The following AUTS2 variants were observed in gnomAD, a reference collection of about 807,000 sequenced individuals.
AUTS2 encodes autism susceptibility gene 2 protein.
Under a neutral mutation model 112.4 loss-of-function variants are expected in AUTS2, and 17 were observed. The observed-to-expected ratio is 0.15, with a 90% confidence interval of 0.10 to 0.23. The LOEUF is 0.23. AUTS2 is among the 10% of genes least tolerant of loss of function. The pLI, the probability that AUTS2 is intolerant of heterozygous loss-of-function variation, is 1.00. For synonymous variants in AUTS2, 751 were observed against 702.7 expected (o/e 1.07, Z -1.09); for missense variants, 1,510 against 1,701.6 (o/e 0.89, Z 1.98).
At chr7:70,677,886 G>A (rs1020728690) in intron 5 of AUTS2, among the ~76,000 whole-genome samples, 7 of 152,098 alleles carry the variant, frequency 4.6e-5, no homozygotes, top group Non-Finnish European at 5.9e-5. Context: ...GATCGAGACC[G>A]TCCTGGCTAA....
intron 5 of AUTS2, among the ~76,000 whole-genome samples, chr7:70,496,633 A>ACG (rs1798531618): frequency 7.0e-6 from 1 of 143,044 alleles, no homozygotes; most frequent in Non-Finnish European, 1.5e-5. Context: ...ACAGGCACAC[A>ACG]CACACACCCC....
intron 5 of AUTS2, among the ~76,000 whole-genome samples, chr7:70,675,310 T>C (rs1465474012): frequency 6.6e-6 from 1 of 152,090 alleles, no homozygotes; most frequent in African/African-American, 2.4e-5. Context: ...CTGGCCAACA[T>C]GGTGAAACCC....
chr7:70,772,657 G>A (rs1382368406), intron 11 of AUTS2, among the ~76,000 whole-genome samples: 5 of 152,188 alleles, frequency 3.3e-5, no homozygotes, highest in Non-Finnish European at 7.3e-5. Context: ...TAGAGGTGGG[G>A]TCCCCTCCCC....
chr7:70,359,451 G>T (rs1792159071), intron 4 of AUTS2, among the ~76,000 whole-genome samples: 1 of 152,160 alleles, frequency 6.6e-6, no homozygotes, highest in Non-Finnish European at 1.5e-5. Context: ...GGTTCTGCAG[G>T]CTAGGAAGTT....
chr7:70,208,817 AC>A (rs1810710478), intron 4 of AUTS2, among the ~76,000 whole-genome samples: 1 of 151,894 alleles, frequency 6.6e-6, no homozygotes, highest in Non-Finnish European at 1.5e-5. Context: ...AGTCCCTGAT[AC>A]ACTAACAATC....
chr7:69,720,327 G>T (rs1798858006), intron 1 of AUTS2, among the ~76,000 whole-genome samples: 2 of 152,156 alleles, frequency 1.3e-5, no homozygotes, highest in Admixed American at 6.6e-5. Context: ...CTTTCAAATT[G>T]GTGGTGGTTA....
chr7:70,364,526 A>G (rs1371289155), intron 4 of AUTS2, among the ~76,000 whole-genome samples: 2 of 151,702 alleles, frequency 1.3e-5, no homozygotes, highest in Non-Finnish European at 2.9e-5. Flanking sequence ...GGATCACGCC[A>G]CTGCACTCCA....
chr7:70,038,248 T>G lies in AUTS2; in HGVS notation c.523-79884T>G, dbSNP rs75967040. Among the ~76,000 whole-genome samples the G allele has an allele frequency of 7.7e-3, 1,165 of 152,252 alleles. 13 individuals carry two copies. The highest frequency in any genetic ancestry group is 0.041 in the South Asian group (196 of 4,822). Reference sequence around the variant, plus strand: ...AGCATTTCAAAGTACCTGGGAACTTTCTTCATCACATCCTTCCAGCATTTA... The same window carrying G: ...AGCATTTCAAAGTACCTGGGAACTTGCTTCATCACATCCTTCCAGCATTTA... On this transcript the variant is annotated intron_variant, in intron 2 of 18. Coordinates refer to ENST00000342771, the MANE Select transcript of AUTS2 (RefSeq NM_015570.4).
At chr7:69,793,313 C>T (rs2129328435) in intron 1 of AUTS2, among the ~76,000 whole-genome samples, 1 of 152,316 alleles carries the variant, frequency 6.6e-6, no homozygotes, top group South Asian at 2.1e-4. Context: ...TATATAAAAG[C>T]AGCAGTTCAA....
At chr7:69,798,551 G>T (rs1373504808) in intron 1 of AUTS2, among the ~76,000 whole-genome samples, 2 of 151,958 alleles carry the variant, frequency 1.3e-5, no homozygotes, top group African/African-American at 4.8e-5. Context: ...ATTATGCATT[G>T]TCCATATGTT....
At chr7:69,944,342 TC>T (rs1401327371) in intron 2 of AUTS2, among the ~76,000 whole-genome samples, 1 of 152,130 alleles carries the variant, frequency 6.6e-6, no homozygotes, top group Non-Finnish European at 1.5e-5. Flanking sequence ...TTGGGCATGC[TC>T]GAAAAGGGGG....
chr7:70,269,765 A>G (rs1231424224), intron 4 of AUTS2, among the ~76,000 whole-genome samples: 5 of 152,208 alleles, frequency 3.3e-5, no homozygotes, highest in Non-Finnish European at 5.9e-5. Flanking sequence ...CTCATAGCCC[A>G]TAACAGCAAA....
intron 2 of AUTS2, among the ~76,000 whole-genome samples, chr7:70,002,862 C>A (rs1482564202): frequency 2.6e-5 from 4 of 151,782 alleles, no homozygotes; most frequent in Non-Finnish European, 4.4e-5. Flanking sequence ...CACTCTTAGT[C>A]TTTAAAATCA....
At chr7:70,666,712 G>C (rs1807368430) in intron 5 of AUTS2, among the ~76,000 whole-genome samples, 1 of 151,980 alleles carries the variant, frequency 6.6e-6, no homozygotes, top group Non-Finnish European at 1.5e-5. Flanking sequence ...GACACCTGCA[G>C]CTCCTCTCTC....
chr7:70,308,273 G>A (rs1194332844), intron 4 of AUTS2, among the ~76,000 whole-genome samples: 1 of 152,128 alleles, frequency 6.6e-6, no homozygotes, highest in Non-Finnish European at 1.5e-5. Flanking sequence ...TATAACAATT[G>A]TTTTCTAGGA....
chr7:70,707,228 A>G (rs1039658899), intron 6 of AUTS2, among the ~76,000 whole-genome samples: 4 of 152,262 alleles, frequency 2.6e-5, no homozygotes, highest in Non-Finnish European at 4.4e-5. Flanking sequence ...TCTGCATTTT[A>G]TAGGCAGGGA....
intron 1 of AUTS2, among the ~76,000 whole-genome samples, chr7:69,786,700 C>T (rs553930722): frequency 5.3e-5 from 8 of 152,262 alleles, no homozygotes; most frequent in South Asian, 4.1e-4. Flanking sequence ...GTGATCCACC[C>T]GCCTCGGCCT....
chr7:70,600,524 C>T (rs1005733915), intron 5 of AUTS2, among the ~76,000 whole-genome samples: 3 of 152,226 alleles, frequency 2.0e-5, no homozygotes, highest in Admixed American at 2.0e-4. Context: ...GATCTGCCCA[C>T]CTCAGCCTCC....
At chr7:69,679,438 A>G (rs949213022) in intron 1 of AUTS2, among the ~76,000 whole-genome samples, 18 of 152,252 alleles carry the variant, frequency 1.2e-4, no homozygotes, top group African/African-American at 4.1e-4. Context: ...AGAATTGTTT[A>G]GTTAATATTG....
Sources: allele counts gnomAD v4.1 joint callset (sites outside exome capture counted in the v4.1 genomes callset), GRCh38; gene constraint gnomAD v4.1.1; transcripts MANE v1.5; gene names NCBI Gene and HGNC (gene_info 2026-07-23, HGNC 2026-07-21).